The following FOXP1 variants were observed in gnomAD, a reference collection of about 807,000 sequenced individuals.
FOXP1 encodes forkhead box protein P1.
A neutral mutation model predicts 98.2 loss-of-function variants in FOXP1; 15 were observed. That is an observed-to-expected ratio of 0.15 (90% CI 0.10 to 0.24). FOXP1 has a LOEUF of 0.24. Ranked by LOEUF, FOXP1 falls within the 10% of genes least tolerant of loss-of-function variation. The pLI, the probability that FOXP1 is intolerant of heterozygous loss-of-function variation, is 1.00. For missense variants in FOXP1, 633 were observed against 848.5 expected, an observed-to-expected ratio of 0.75 and a Z score of 3.15; for synonymous variants, 371 against 314.5, an observed-to-expected ratio of 1.18 and a Z score of -1.90.
At chr3:71,043,907 C>CA (rs139559339) in intron 10 of FOXP1, among the ~76,000 whole-genome samples, 6,848 of 152,242 alleles carry the variant, frequency 0.045, 497 homozygotes, top group African/African-American at 0.15. Context: ...AATGGGCTGG[C>CA]AATCAGTTCC....
At chr3:71,532,891 G>A (rs539681251) in intron 2 of FOXP1, among the ~76,000 whole-genome samples, 9 of 152,136 alleles carry the variant, frequency 5.9e-5, no homozygotes, top group South Asian at 2.1e-4. Flanking sequence ...GAGGCGAGGC[G>A]GGGGACAGGA....
intron 7 of FOXP1, among the ~76,000 whole-genome samples, chr3:71,061,117 T>C (rs1286635808): frequency 6.6e-6 from 1 of 151,268 alleles, no homozygotes; most frequent in Non-Finnish European, 1.5e-5. Context: ...CGAAAGAAAA[T>C]AAGGCTGAAT....
At chr3:71,357,775 C>T (rs1220941267) in intron 4 of FOXP1, among the ~76,000 whole-genome samples, 4 of 152,184 alleles carry the variant, frequency 2.6e-5, no homozygotes, top group African/African-American at 7.2e-5. Context: ...GATGAAGGAA[C>T]GCACTTGAAT....
chr3:71,319,746 C>T (rs530676029), intron 4 of FOXP1, among the ~76,000 whole-genome samples: 48 of 152,172 alleles, frequency 3.2e-4, no homozygotes, highest in Non-Finnish European at 6.0e-4. Context: ...CCCTTCTTCT[C>T]AAACAGTTCC....
At chr3:71,328,032 A>G (rs1393432309) in intron 4 of FOXP1, among the ~76,000 whole-genome samples, 1 of 152,198 alleles carries the variant, frequency 6.6e-6, no homozygotes, top group Non-Finnish European at 1.5e-5. Flanking sequence ...ATTCATCAGC[A>G]GTAGAGAGAT....
intron 7 of FOXP1, among the ~76,000 whole-genome samples, chr3:71,055,401 TCC>T (rs2107167978): frequency 6.6e-6 from 1 of 152,334 alleles, no homozygotes; most frequent in African/African-American, 2.4e-5. Flanking sequence ...TTCTTCCTAT[TCC>T]AGTGGCCTTT....
In FOXP1 at chr3:71,341,323, G is replaced by A. The variant is rs143484944; in HGVS notation, c.-73+17827C>T. On this transcript the variant is annotated intron_variant, in intron 4 of 20. Coordinates refer to ENST00000649528, the MANE Select transcript of FOXP1 (RefSeq NM_001349338.3). ...AAAAATGTGGGAAATCCATAAACAA[G>A]TGGAGATTAAACTATACACTCCTAT... Among the ~76,000 whole-genome samples the A allele has an allele frequency of 1.1e-4, 16 of 152,264 alleles. No individual in the cohort carries two copies. In the East Asian group the frequency reaches 3.1e-3, roughly 29 times the overall value.
intron 2 of FOXP1, among the ~76,000 whole-genome samples, chr3:71,498,565 T>A (rs898174314): frequency 1.3e-5 from 2 of 152,218 alleles, no homozygotes; most frequent in Non-Finnish European, 2.9e-5. Flanking sequence ...AGTATTCCAT[T>A]TCTATTGAAG....
intron 20 of FOXP1, among the ~76,000 whole-genome samples, chr3:70,964,135 A>G (rs369456781): frequency 1.3e-5 from 2 of 152,232 alleles, no homozygotes; most frequent in South Asian, 4.1e-4. Context: ...CTGTTGACAT[A>G]TAATTACATT....
intron 5 of FOXP1, among the ~76,000 whole-genome samples, chr3:71,199,110 C>CTT (rs11441489): frequency 0.022 from 3,095 of 140,224 alleles, 136 homozygotes; most frequent in African/African-American, 0.071. Flanking sequence ...TGGTATTACA[C>CTT]TTTTTTTTTT....
At chr3:71,556,400 A>G (rs898937503) in intron 2 of FOXP1, among the ~76,000 whole-genome samples, 2 of 151,934 alleles carry the variant, frequency 1.3e-5, no homozygotes, top group African/African-American at 4.8e-5. Flanking sequence ...ACATGGTGAA[A>G]CTCTGTCTCT....
chr3:71,579,632 C>CTTTTTTTTTTTT (rs35646548), intron 2 of FOXP1, among the ~76,000 whole-genome samples: 1 of 123,000 alleles, frequency 8.1e-6, no homozygotes, highest in African/African-American at 3.1e-5. Flanking sequence ...TTTCTTTTTT[C>CTTTTTTTTTTTT]TTTTTTTTTT....
intron 3 of FOXP1, among the ~76,000 whole-genome samples, chr3:71,421,894 C>T (rs905009820): frequency 6.6e-6 from 1 of 152,188 alleles, no homozygotes; most frequent in Non-Finnish European, 1.5e-5. Context: ...TGATGGAGCA[C>T]CTCCATGTGA....
At chr3:71,433,194 T>C (rs1168537527) in intron 3 of FOXP1, among the ~76,000 whole-genome samples, 1 of 152,182 alleles carries the variant, frequency 6.6e-6, no homozygotes, top group Non-Finnish European at 1.5e-5. Flanking sequence ...AGCCATCAAA[T>C]GGTAAAAATC....
rs116625114 is a variant in FOXP1 at position 71,061,615 on chromosome 3, C to T, written c.283-7842G>A. 4.9e-3 allele frequency among the ~76,000 whole-genome samples: 745 copies of T among 152,226 alleles called. 9 individuals are homozygous for T. Among genetic ancestry groups the T allele is most frequent in the African/African-American group, 0.017 (701 of 41,544 alleles). Reference sequence around the variant, plus strand: ...TTAAAATGTAACACACATATAGACACAATTTATGTATTTATTTACTCTAAC... The same window carrying T: ...TTAAAATGTAACACACATATAGACATAATTTATGTATTTATTTACTCTAAC... On this transcript the variant is annotated intron_variant, in intron 7 of 20. Transcript: ENST00000649528.
chr3:71,402,647 CT>C (rs2082028473), intron 3 of FOXP1, among the ~76,000 whole-genome samples: 1 of 152,074 alleles, frequency 6.6e-6, no homozygotes, highest in South Asian at 2.1e-4. Flanking sequence ...TGATACTAAA[CT>C]TGTAAACTAA....
At chr3:71,220,709 C>T (rs1308575480) in intron 5 of FOXP1, among the ~76,000 whole-genome samples, 1 of 151,616 alleles carries the variant, frequency 6.6e-6, no homozygotes, top group African/African-American at 2.4e-5. Flanking sequence ...GCCGAGATCG[C>T]ACCACTGCGA....
chr3:71,366,723 G>A (rs1413135110), intron 3 of FOXP1, among the ~76,000 whole-genome samples: 1 of 152,118 alleles, frequency 6.6e-6, no homozygotes, highest in African/African-American at 2.4e-5. Context: ...GAAGTGTCTT[G>A]AGAGCAGAGA....
At chr3:71,409,780 G>A (rs1317421748) in intron 3 of FOXP1, among the ~76,000 whole-genome samples, 1 of 152,160 alleles carries the variant, frequency 6.6e-6, no homozygotes, top group Non-Finnish European at 1.5e-5. Context: ...TTGGGAGGCT[G>A]AGGCAGGCGA....
Sources: gnomAD v4.1 joint callset for allele counts (sites outside exome capture counted in the v4.1 genomes callset) on GRCh38, gnomAD v4.1.1 for gene constraint, MANE v1.5 for transcripts, NCBI Gene and HGNC (gene_info 2026-07-23, HGNC 2026-07-21) for gene names.